Variants in ZNF83 observed in about 807,000 individuals in gnomAD.
ZNF83 encodes the protein zinc finger protein 816B.
For missense variants in ZNF83, 552 were observed against 629.9 expected (o/e 0.88, Z 1.32); for synonymous variants, 209 against 213.0 (o/e 0.98, Z 0.17).
chr19:52,614,530 G>C (rs1170356809), exon 3 of ZNF83: 17 of 1,600,766 alleles, frequency 1.1e-5, no homozygotes, highest in Non-Finnish European at 1.4e-5. Flanking sequence ...ATTTTTAACA[G>C]GCTGCTTTTG....
intron 1 of ZNF83, chr19:52,635,675 C>CA (rs1207437229): frequency 1.3e-5 from 2 of 152,094 alleles, no homozygotes; most frequent in East Asian, 3.9e-4. Flanking sequence ...ACCAGCCTGC[C>CA]AACATGTTGA....
chr19:52,613,155 T>G, exon 3 of ZNF83: 2 of 1,613,844 alleles, frequency 1.2e-6, no homozygotes, highest in Non-Finnish European at 1.7e-6. Flanking sequence ...TAGTGAGGCT[T>G]GAACGCATAC....
intron 1 of ZNF83, among the ~76,000 whole-genome samples, chr19:52,666,029 T>C (rs1600248637): frequency 6.6e-6 from 1 of 150,402 alleles, no homozygotes; most frequent in Admixed American, 6.6e-5. Flanking sequence ...CCGGGCATGG[T>C]GATGGGTGCC....
At chr19:52,648,083 T>C (rs941345950) in intron 3 of ZNF83, among the ~76,000 whole-genome samples, 7 of 151,830 alleles carry the variant, frequency 4.6e-5, no homozygotes, top group Non-Finnish European at 8.8e-5. Flanking sequence ...GCCTTGCTGT[T>C]CTTCATCTCT....
intron 3 of ZNF83, among the ~76,000 whole-genome samples, chr19:52,645,432 AAAT>A (rs2061359773): frequency 6.6e-6 from 1 of 152,206 alleles, no homozygotes; most frequent in Non-Finnish European, 1.5e-5. Flanking sequence ...GTACAGAAAA[AAAT>A]GATGTGAGCT....
chr19:52,634,584 C>CAA (rs563237265), intron 2 of ZNF83, among the ~76,000 whole-genome samples: 378 of 152,264 alleles, frequency 2.5e-3, no homozygotes, highest in Non-Finnish European at 4.1e-3. Flanking sequence ...GAGTCAGAAA[C>CAA]AAAGTAACTC....
Position 52,677,137 on chromosome 19 carries a change from A to AAAAAAG in ZNF83, c.-283+13305_-283+13306insCTTTTT, listed in dbSNP as rs2061826875. 6.3e-4 allele frequency among the ~76,000 whole-genome samples: 4 copies of AAAAAAG among 6,354 alleles called. No individual in the cohort carries two copies. In the African/African-American group the frequency reaches 7.2e-3, roughly 11 times the overall value. 4.2% of individuals were successfully genotyped at this position (6,354 alleles called of 152,430 possible). On this transcript the variant is annotated intron_variant, in intron 1 of 5. Coordinates refer to the ZNF83 transcript ENST00000594682. ...AGAATGATCAATTAAAAAAAAAAAGAAAAAAAGAAAAAAAAATAAAGGAAG... is the reference window on the plus strand; with the variant it reads ...AGAATGATCAATTAAAAAAAAAAAGAAAAAAGAAAAAAGAAAAAAAAATAAAGGAAG...
chr19:52,689,001 T>C (rs1270946909), intron 1 of ZNF83, among the ~76,000 whole-genome samples: 1 of 151,522 alleles, frequency 6.6e-6, no homozygotes, highest in Non-Finnish European at 1.5e-5. Flanking sequence ...GTTACTCTTT[T>C]TCCAGGCTTC....
chr19:52,687,389 A>ATAAAT (rs1555792608), intron 1 of ZNF83, among the ~76,000 whole-genome samples: 1 of 44,366 alleles, frequency 2.3e-5, no homozygotes, highest in Non-Finnish European at 3.6e-5. Context: ...ATTTATATAT[A>ATAAAT]TATAATTTAT....
rs142532073 is a variant in ZNF83, at chr19:52,665,653, C to A, written c.-282-4810G>T. On this transcript the variant is annotated intron_variant, in intron 1 of 5. Transcript: ENST00000594682. ...GAGTAATTCTCCAACCTGACTCATTCCATAATCATTTTTCCCACCAAACCA... is the reference window on the plus strand; with the variant it reads ...GAGTAATTCTCCAACCTGACTCATTACATAATCATTTTTCCCACCAAACCA... 2.2e-3 allele frequency among the ~76,000 whole-genome samples: 336 copies of A among 152,226 alleles called. 2 individuals carry two copies. Among genetic ancestry groups the A allele is most frequent in the African/African-American group, 7.0e-3 (290 of 41,534 alleles).
At chr19:52,628,118 C>T (rs1201043098) in intron 2 of ZNF83, among the ~76,000 whole-genome samples, 1 of 152,166 alleles carries the variant, frequency 6.6e-6, no homozygotes, top group East Asian at 1.9e-4. Flanking sequence ...CTCAGCCCAC[C>T]TGCACCCAGG....
At chr19:52,619,832 A>G (rs777216354) in intron 2 of ZNF83, among the ~76,000 whole-genome samples, 2 of 152,160 alleles carry the variant, frequency 1.3e-5, no homozygotes, top group Non-Finnish European at 2.9e-5. Context: ...GGTTGCAGTA[A>G]TCCAAGATCA....
chr19:52,646,461 A>G (rs968019368), intron 3 of ZNF83, among the ~76,000 whole-genome samples: 13 of 152,168 alleles, frequency 8.5e-5, no homozygotes, highest in Non-Finnish European at 1.9e-4. Flanking sequence ...AGGTACGAGG[A>G]TCACTTGACC....
intron 2 of ZNF83, among the ~76,000 whole-genome samples, chr19:52,658,160 A>G (rs1371900606): frequency 4.6e-5 from 7 of 151,776 alleles, no homozygotes; most frequent in Admixed American, 4.6e-4. Context: ...AAAAGTAGTG[A>G]ATAGGAAAAG....
chr19:52,617,816 A>AACAGGTTAGAAAG (rs932643653), intron 2 of ZNF83: 13 of 152,414 alleles, frequency 8.5e-5, no homozygotes, highest in African/African-American at 2.9e-4. Context: ...GCCTTGCTCC[A>AACAGGTTAGAAAG]ACAGGTTAGA....
intron 2 of ZNF83, among the ~76,000 whole-genome samples, chr19:52,630,778 G>A (rs978437991): frequency 9.2e-5 from 14 of 151,934 alleles, no homozygotes; most frequent in African/African-American, 2.4e-4. Flanking sequence ...CCCACAGCAC[G>A]CTTTAAAAAT....
exon 3 of ZNF83, chr19:52,613,936 C>T: frequency 1.2e-6 from 2 of 1,613,400 alleles, no homozygotes; most frequent in Non-Finnish European, 1.7e-6. Context: ...GACCTTTCCA[C>T]ATTCATTACA....
intron 2 of ZNF83, among the ~76,000 whole-genome samples, chr19:52,628,808 C>T (rs989072126): frequency 1.4e-4 from 22 of 152,052 alleles, no homozygotes; most frequent in African/African-American, 4.6e-4. Context: ...TACCCCAACC[C>T]CTTATATCTC....
rs142453557 is a variant in ZNF83 at position 52,622,956 on chromosome 19, A to T, written c.-233-8159T>A. On this transcript the variant is annotated intron_variant, in intron 2 of 2. Transcript: ENST00000301096. Reference sequence around the variant, plus strand: ...CTCAGCTGCAGCTCCAGCACACAAGAACTTCAAAACGCCTAAGCTGCAGTG... The same window carrying T: ...CTCAGCTGCAGCTCCAGCACACAAGTACTTCAAAACGCCTAAGCTGCAGTG... Among the ~76,000 whole-genome samples the T allele has an allele frequency of 4.1e-4, 62 of 152,338 alleles. No homozygotes were observed. In the East Asian group the frequency reaches 8.9e-3, roughly 22 times the overall value.
Sources: gnomAD v4.1 joint callset for allele counts (sites outside exome capture counted in the v4.1 genomes callset) on GRCh38, gnomAD v4.1.1 for gene constraint, MANE v1.5 for transcripts, NCBI Gene and HGNC (gene_info 2026-07-23, HGNC 2026-07-21) for gene names.